The following ARMC2 variants were observed in gnomAD, a reference collection of about 807,000 sequenced individuals.
ARMC2 encodes armadillo repeat-containing protein 2.
Under a neutral mutation model 90.3 loss-of-function variants are expected in ARMC2, and 67 were observed. That is an observed-to-expected ratio of 0.74 (90% CI 0.61 to 0.91). The LOEUF (loss-of-function observed/expected upper bound fraction) is 0.91, where lower values mean the gene tolerates loss of function less well. Among genes scored for constraint, ARMC2 ranks in the 40% least tolerant of loss-of-function variants. The pLI is 0.00. For synonymous variants in ARMC2, 393 were observed against 393.0 expected (o/e 1.00, Z 0.00); for missense variants, 920 against 1,030.9 (o/e 0.89, Z 1.47).
chr6:108,896,903 C>G (rs1052497067), intron 6 of ARMC2, among the ~76,000 whole-genome samples: 16 of 152,192 alleles, frequency 1.1e-4, no homozygotes, highest in African/African-American at 3.9e-4. Context: ...AATTAAATAA[C>G]TCGCCTGACT....
the ARMC2 span, among the ~76,000 whole-genome samples, chr6:109,052,774 T>C: frequency 6.6e-6 from 1 of 152,208 alleles, no homozygotes; most frequent in Non-Finnish European, 1.5e-5. Flanking sequence ...CCATTAAGTA[T>C]GCAGTTTTGA....
intron 17 of ARMC2, among the ~76,000 whole-genome samples, chr6:108,971,261 C>G (rs1355457430): frequency 6.6e-6 from 1 of 152,102 alleles, no homozygotes; most frequent in Non-Finnish European, 1.5e-5. Flanking sequence ...CTCTTTTTGT[C>G]TGGAAGTAGC....
At chr6:108,937,372 T>TCTA (rs1019283833) in intron 12 of ARMC2, among the ~76,000 whole-genome samples, 11 of 152,102 alleles carry the variant, frequency 7.2e-5, no homozygotes, top group African/African-American at 2.7e-4. Flanking sequence ...TTCATTCCAG[T>TCTA]CTACTGAGTC....
intron 8 of ARMC2, among the ~76,000 whole-genome samples, chr6:108,904,790 T>C (rs1772509432): frequency 6.6e-6 from 1 of 152,212 alleles, no homozygotes; most frequent in South Asian, 2.1e-4. Context: ...TGGTTTCTCT[T>C]GGATGCTTGA....
the ARMC2 span, among the ~76,000 whole-genome samples, chr6:109,015,673 ATG>A: frequency 2.9e-3 from 442 of 152,282 alleles, 5 homozygotes; most frequent in African/African-American, 0.01. Context: ...AAAAAGGTGA[ATG>A]TGAGGGGGAA....
chr6:108,953,502 T>G (rs1172151195), intron 13 of ARMC2, among the ~76,000 whole-genome samples, 151 bp downstream of exon 13: 1 of 152,258 alleles, frequency 6.6e-6, no homozygotes, highest in Non-Finnish European at 1.5e-5. Flanking sequence ...TTCCCTCTTC[T>G]GTTCAGAACT....
chr6:109,016,946 CTTAAT>C, the ARMC2 span, among the ~76,000 whole-genome samples: 1 of 151,952 alleles, frequency 6.6e-6, no homozygotes, highest in Non-Finnish European at 1.5e-5. Flanking sequence ...GGGTAACACT[CTTAAT>C]TTGTTATGAG....
intron 3 of ARMC2, among the ~76,000 whole-genome samples, chr6:108,858,967 A>G (rs1294817205): frequency 2.0e-5 from 3 of 152,070 alleles, no homozygotes; most frequent in African/African-American, 7.2e-5. Flanking sequence ...CACCTTTTCT[A>G]TCCCCACTAT....
At chr6:108,942,043 A>C (rs1776480455) in intron 12 of ARMC2, among the ~76,000 whole-genome samples, 1 of 152,182 alleles carries the variant, frequency 6.6e-6, no homozygotes, top group Admixed American at 6.5e-5. Flanking sequence ...AATTCCCATA[A>C]GTCTTCATAA....
intron 5 of ARMC2, among the ~76,000 whole-genome samples, chr6:108,881,932 G>A (rs1408971650): frequency 2.0e-5 from 3 of 151,998 alleles, no homozygotes; most frequent in African/African-American, 7.3e-5. Context: ...CTTATTCAGC[G>A]TTAATAAATA....
At chr6:108,972,833 C>T (rs1354833602) in intron 17 of ARMC2, among the ~76,000 whole-genome samples, 1 of 147,678 alleles carries the variant, frequency 6.8e-6, no homozygotes, top group African/African-American at 2.6e-5. Context: ...CCCAGATAAT[C>T]TTCTGATTTT....
chr6:109,006,205 A>G, the ARMC2 span, among the ~76,000 whole-genome samples: 591 of 152,332 alleles, frequency 3.9e-3, 2 homozygotes, highest in African/African-American at 0.014. Context: ...TTCATGAAAA[A>G]GTCAAGAGTC....
In ARMC2 at chr6:108,854,759, TAGTTCA is replaced by T. The variant is rs1321812532; in HGVS notation, c.218+275_218+280del. Among the ~76,000 whole-genome samples, 4 of 152,246 alleles carry T rather than the reference TAGTTCA, an allele frequency of 2.6e-5. No homozygotes were observed. In the East Asian group the frequency reaches 7.7e-4, roughly 29 times the overall value. ...ACACACCATTATCACTCAAAGGCTG[TAGTTCA>T]CATTGGCGTTCACTCTTGGTGTTGT... On this transcript the variant is annotated intron_variant, in intron 2 of 17. Coordinates refer to ENST00000392644, the MANE Select transcript of ARMC2 (RefSeq NM_032131.6).
chr6:109,009,425 C>G, the ARMC2 span: 4 of 1,403,070 alleles, frequency 2.9e-6, no homozygotes, highest in Non-Finnish European at 3.7e-6. Flanking sequence ...CCAAAGGGGC[C>G]GTGTACGCCT....
At chr6:108,852,704 G>A (rs551341029) in intron 1 of ARMC2, among the ~76,000 whole-genome samples, 1 of 152,248 alleles carries the variant, frequency 6.6e-6, no homozygotes, top group East Asian at 1.9e-4. Flanking sequence ...GACATTGTTA[G>A]ACTTATTAGT....
intron 7 of ARMC2, among the ~76,000 whole-genome samples, chr6:108,901,201 C>T (rs1461028615): frequency 7.2e-6 from 1 of 138,228 alleles, no homozygotes; most frequent in Non-Finnish European, 1.5e-5. Context: ...GCAACCTCTG[C>T]CTCCCAGGTT....
In ARMC2 at chr6:108,922,048, A is replaced by G. The variant is rs1285750964; in HGVS notation, c.1351-6040A>G. ...CAGCTCTGATGGCAGGTTGCCTTCT[A>G]GAGCAGAATCTGGTGAGTTCCTTGA... On this transcript the variant is annotated intron_variant, in intron 10 of 17. Transcript: ENST00000392644. Among the ~76,000 whole-genome samples, 4 of 152,232 alleles carry G rather than the reference A, an allele frequency of 2.6e-5. No individual in the cohort carries two copies. In the East Asian group the frequency reaches 5.8e-4, roughly 22 times the overall value.
chr6:109,026,566 G>A, the ARMC2 span, among the ~76,000 whole-genome samples: 3 of 151,874 alleles, frequency 2.0e-5, no homozygotes, highest in African/African-American at 7.3e-5. Context: ...GCGCAATCTC[G>A]GCTCACTGCA....
chr6:108,940,739 AAAG>A (rs1436455814), intron 12 of ARMC2, among the ~76,000 whole-genome samples: 1 of 152,142 alleles, frequency 6.6e-6, no homozygotes, highest in Non-Finnish European at 1.5e-5. Flanking sequence ...CTTTATTAGA[AAAG>A]AAATTATTTG....
Sources: allele counts gnomAD v4.1 joint callset (sites outside exome capture counted in the v4.1 genomes callset), GRCh38; gene constraint gnomAD v4.1.1; transcripts MANE v1.5; gene names NCBI Gene and HGNC (gene_info 2026-07-23, HGNC 2026-07-21).